Variants in EXTL1 observed in about 807,000 individuals in gnomAD.
EXTL1 encodes exostosin-like 1.
Under a neutral mutation model 64.6 loss-of-function variants are expected in EXTL1, and 43 were observed. The observed-to-expected ratio is 0.67, with a 90% CI of 0.52 to 0.86. The LOEUF (loss-of-function observed/expected upper bound fraction) is 0.86. EXTL1 is among the 40% of genes least tolerant of loss of function. The pLI is 0.00. For missense variants in EXTL1, 766 were observed against 879.0 expected, an observed-to-expected ratio of 0.87 and a Z score of 1.62; for synonymous variants, 352 against 360.5, an observed-to-expected ratio of 0.98 and a Z score of 0.27.
rs1005897368 is a variant in EXTL1 at position 26,032,436 on chromosome 1, G to A, written c.1382G>A (p.Arg461Lys). The A allele has an allele frequency of 4.5e-6, 7 of 1,555,886 alleles. No homozygotes were observed. In the Admixed American group the frequency reaches 5.8e-5, roughly 13 times the overall value. The change falls in exon 7 of 11, where the codon AGG becomes AAG. Residue 461 changes from arginine to lysine, a missense_variant. Arg to Lys is a conservative substitution (Grantham distance 26). Coordinates refer to ENST00000374280, the MANE Select transcript of EXTL1 (RefSeq NM_004455.3). ...LWSNERPLPSRWPETAVPLTV... is the reference protein window; with the variant it reads ...LWSNERPLPSKWPETAVPLTV... The stretch of plus-strand genomic sequence containing the variant: ...AGCAATGAGAGGCCACTCCCATCCA[G>A]GTGGCCGGAGACAGCTGTGCCCTTG...
chr1:26,028,837 T>A (rs1471992280), intron 1 of EXTL1, among the ~76,000 whole-genome samples: 1 of 152,162 alleles, frequency 6.6e-6, no homozygotes, highest in Non-Finnish European at 1.5e-5. Flanking sequence ...CAGACGTGCA[T>A]GTCTAAGTCA....
In EXTL1 at chr1:26,035,578, C is replaced by G. The variant is rs144966041; in HGVS notation, c.*231C>G. On this transcript the variant is annotated 3_prime_UTR_variant, in exon 11 of 11. Transcript: ENST00000374280. The surrounding 1 kb of genome is among the most constrained non-coding windows in gnomAD (Gnocchi z 5.3). The stretch of plus-strand genomic sequence containing the variant: ...AGGCTGAGCCCCGCGACCGGAGCGC[C>G]GCTCTCCGCTTCTCCACCCAGCTAA... 2 of 448,256 alleles carry G rather than the reference C, an allele frequency of 4.5e-6. No homozygotes were observed. Among genetic ancestry groups the G allele is most frequent in the Admixed American group, 3.7e-5 (1 of 27,394 alleles). The allele number at this position is 448,256 out of a possible 1,614,324, so 27.8% of individuals were successfully genotyped here.
rs2050202537 is a variant in EXTL1, at chr1:26,025,272, C to T, written c.779+1847C>T. Among the ~76,000 whole-genome samples, 1 of 152,232 alleles carries T rather than the reference C, an allele frequency of 6.6e-6. No individual in the cohort carries two copies. The highest frequency in any genetic ancestry group is 1.5e-5 in the Non-Finnish European group (1 of 68,040). On this transcript the variant is annotated intron_variant, in intron 1 of 10. Transcript: ENST00000374280. This position sits in a 1 kb window ranked among gnomAD's most constrained non-coding sequence, Gnocchi z 5.3. ...ATTCACAGTCCCTGCCACCTCCCCACATTCACTCAGCCGGGCGAGAGTGGG... is the reference window on the plus strand; with the variant it reads ...ATTCACAGTCCCTGCCACCTCCCCATATTCACTCAGCCGGGCGAGAGTGGG...
chr1:26,022,496 G>A lies in EXTL1; in HGVS notation c.-151G>A. 3 of 644,580 alleles carry A rather than the reference G, an allele frequency of 4.7e-6. No individual in the cohort carries two copies. Among genetic ancestry groups the A allele is most frequent in the South Asian group, 2.2e-5 (1 of 45,164 alleles). 39.9% of individuals were successfully genotyped at this position (644,580 alleles called of 1,614,324 possible). ...CTATCTGACCTTAGACAGGCGGCCT[G>A]GTCTCGATGGGCCTCAGTCTTCCCA... On this transcript the variant is annotated 5_prime_UTR_variant, in exon 1 of 11. An upstream open reading frame in the 5' UTR gains an earlier in-frame stop. Coordinates refer to ENST00000374280, the MANE Select transcript of EXTL1 (RefSeq NM_004455.3).
In EXTL1 at chr1:26,031,203, C is replaced by T. The variant is rs780631171; in HGVS notation, c.1173C>T (p.Leu391=). 39 of 1,613,896 alleles carry T rather than the reference C, an allele frequency of 2.4e-5. 2 individuals are homozygous for T. Among genetic ancestry groups the T allele is most frequent in the East Asian group, 2.2e-5 (1 of 44,894 alleles). Residue 391 remains leucine, a synonymous_variant, in exon 5 of 11, where the codon CTC becomes CTT. Transcript: ENST00000374280. ...SLLWNSPPGA[L]LALSTFSTSP... is the part of the protein sequence containing the mutation. ...TGTGGAACAGCCCCCCAGGGGCACTCCTGGCCCTGTCTACTTTTTCCACAA... is the reference window on the plus strand; with the variant it reads ...TGTGGAACAGCCCCCCAGGGGCACTTCTGGCCCTGTCTACTTTTTCCACAA...
chr1:26,027,436 C>G (rs2050228334), intron 1 of EXTL1, among the ~76,000 whole-genome samples: 2 of 152,062 alleles, frequency 1.3e-5, no homozygotes, highest in South Asian at 4.1e-4. Context: ...AGTACATACT[C>G]AATATAGGTT....
chr1:26,024,618 C>A (rs1045345639), intron 1 of EXTL1, among the ~76,000 whole-genome samples: 3 of 152,092 alleles, frequency 2.0e-5, no homozygotes, highest in Admixed American at 1.3e-4. Flanking sequence ...TCCCGGTCAG[C>A]CCCAGGGTCC....
intron 3 of EXTL1, among the ~76,000 whole-genome samples, 190 bp downstream of exon 3, chr1:26,029,897 G>A (rs1019751910): frequency 2.6e-5 from 4 of 152,314 alleles, no homozygotes; most frequent in African/African-American, 9.6e-5. Flanking sequence ...ATTCCTAAGG[G>A]TTCTGAGAGC....
rs1327898803 is a variant in EXTL1 at position 26,033,853 on chromosome 1, A to T, written c.1676A>T (p.His559Leu). 6.2e-7 allele frequency: 1 copy of T among 1,613,238 alleles called. No homozygotes were observed. Among genetic ancestry groups the T allele is most frequent in the African/African-American group, 1.3e-5 (1 of 74,896 alleles). ...GTTCTCACCACAGCCGCCTTCTACC[A>T]TAGGTACAGACCCCTACCCTGCACA... is the stretch of plus-strand genomic sequence containing the variant. Reference protein sequence around the residue: ...SMVLTTAAFYHRYYHTLFTHS... With the variant: ...SMVLTTAAFYLRYYHTLFTHS... Residue 559 changes from histidine (H) to leucine (L), a missense_variant, in exon 9 of 11, where the codon CAT becomes CTT. Around this residue, in one of 3 missense-constraint regions of EXTL1, gnomAD observed 194 missense variants for 214.5 expected, o/e 0.90. Coordinates refer to ENST00000374280, the MANE Select transcript of EXTL1 (RefSeq NM_004455.3). This position sits in a 1 kb window ranked among gnomAD's most constrained non-coding sequence, Gnocchi z 5.1.
At chr1:26,032,507 G>A (rs1221687049) in intron 7 of EXTL1, 22 bp downstream of exon 7, 2 of 1,536,558 alleles carry the variant, frequency 1.3e-6, no homozygotes, top group Non-Finnish European at 1.8e-6. Flanking sequence ...GGAGAGCCAT[G>A]AAAGGGGTGG....
At position 26,035,000 on chromosome 1, in the gene EXTL1, C is replaced by A. The variant is rs1464173869; in HGVS notation, c.1844C>A (p.Pro615Gln). ...GGCAAGCAGCGCCAGGAGGCTGCTC[C>A]ACTGGTGAGGGCTGAGGGGGATTGG... ...PYGKQRQEAAPLAPGGPGPRP... is the reference protein window; with the variant it reads ...PYGKQRQEAAQLAPGGPGPRP... Residue 615 changes from proline to glutamine, a missense_variant, in exon 10 of 11, where the codon CCA (proline) becomes CAA (glutamine). Pro to Gln is a moderately conservative substitution (Grantham distance 76, BLOSUM62 -1). Coordinates refer to ENST00000374280, the MANE Select transcript of EXTL1 (RefSeq NM_004455.3). The surrounding 1 kb of genome is among the most constrained non-coding windows in gnomAD (Gnocchi z 4.6). The A allele has an allele frequency of 6.2e-7, 1 of 1,614,152 alleles. No homozygotes were observed. The highest frequency in any genetic ancestry group is 2.2e-5 in the East Asian group (1 of 44,890).
chr1:26,028,483 C>G (rs1358664272), intron 1 of EXTL1, among the ~76,000 whole-genome samples: 4 of 152,214 alleles, frequency 2.6e-5, no homozygotes, highest in Non-Finnish European at 4.4e-5. Flanking sequence ...CCCTTTATCC[C>G]TCCCCTGGCT....
intron 1 of EXTL1, among the ~76,000 whole-genome samples, chr1:26,027,125 A>C (rs2050225103): frequency 6.6e-6 from 1 of 151,916 alleles, no homozygotes; most frequent in Non-Finnish European, 1.5e-5. Context: ...TCCACCAAGC[A>C]CTCTGCTAGG....
intron 3 of EXTL1, among the ~76,000 whole-genome samples, chr1:26,030,056 G>A (rs1453715618): frequency 3.9e-5 from 6 of 152,270 alleles, no homozygotes; most frequent in East Asian, 1.9e-4. Flanking sequence ...AACTCAGAGC[G>A]CCTCCATGGG....
chr1:26,031,361 C>T, intron 5 of EXTL1, 97 bp downstream of exon 5: 1 of 1,507,442 alleles, frequency 6.6e-7, no homozygotes, highest in South Asian at 1.2e-5. Context: ...CTTTCCAAGC[C>T]CTAACATTTT....
At chr1:26,030,361 C>G in intron 3 of EXTL1, 115 bp from the exon 4 acceptor site, 19 of 407,588 alleles carry the variant, frequency 4.7e-5, no homozygotes, top group East Asian at 9.0e-5. Flanking sequence ...GAGATAGGAT[C>G]TTGCTCTGTT....
intron 6 of EXTL1, chr1:26,032,024 G>T: frequency 4.2e-6 from 1 of 235,690 alleles, no homozygotes. Flanking sequence ...ACACAGGAAG[G>T]CTCCAAACAG....
Position 26,032,384 on chromosome 1 carries a change from C to G in EXTL1, c.1342-12C>G. ...AGATCCCAGACTTCAAGAACAACCC[C>G]CTATCCTCTAGATCTTGGTTCTCTG... On this transcript the variant is annotated splice_polypyrimidine_tract_variant and intron_variant, in intron 6 of 10. Coordinates refer to ENST00000374280, the MANE Select transcript of EXTL1 (RefSeq NM_004455.3). 2 of 1,549,258 alleles carry G rather than the reference C, an allele frequency of 1.3e-6. No individual in the cohort carries two copies. Among genetic ancestry groups the G allele is most frequent in the South Asian group, 2.4e-5 (2 of 84,078 alleles).
Position 26,022,557 on chromosome 1 carries a change from C to T in EXTL1, c.-90C>T. The T allele has an allele frequency of 2.7e-6, 3 of 1,126,658 alleles. No homozygotes were observed. In the South Asian group the frequency reaches 4.5e-5, roughly 17 times the overall value. The allele number at this position is 1,126,658 out of a possible 1,614,324, so 69.8% of individuals were successfully genotyped here. A position where few individuals can be genotyped will look rare whatever the true frequency, so the allele number is the denominator to read the frequency against. On this transcript the variant is annotated 5_prime_UTR_variant, in exon 1 of 11. Coordinates refer to ENST00000374280, the MANE Select transcript of EXTL1 (RefSeq NM_004455.3). ...GACAGCACAGGACTAGCAGGTCGGT[C>T]CCAGCTCTGGTCTCCCGCCCCAGGC...
Sources: gnomAD v4.1 joint callset for allele counts (sites outside exome capture counted in the v4.1 genomes callset) on GRCh38, gnomAD v4.1.1 for gene constraint, gnomAD v4.1.1 regional missense constraint, Gnocchi (gnomAD v3.1) non-coding constraint, MANE v1.5 for transcripts, NCBI Gene and HGNC (gene_info 2026-07-23, HGNC 2026-07-21) for gene names.